Variants in PPIL4 observed in about 807,000 individuals in gnomAD.
PPIL4 encodes the protein peptidylprolyl isomerase like 4, also known as peptidyl-prolyl cis-trans isomerase-like 4.
A neutral mutation model predicts 69.1 loss-of-function variants in PPIL4; 50 were observed. The observed-to-expected ratio is 0.72, with a 90% CI of 0.58 to 0.92. The LOEUF (loss-of-function observed/expected upper bound fraction) is 0.92, where lower values mean the gene tolerates loss of function less well. PPIL4 is among the 40% of genes least tolerant of loss of function. PPIL4 has a pLI of 0.00. For missense variants in PPIL4, 480 were observed against 587.9 expected (o/e 0.82, Z 1.90); for synonymous variants, 193 against 191.6 (o/e 1.01, Z -0.06).
At chr6:149,507,667 T>A (rs7771139) in intron 12 of PPIL4, among the ~76,000 whole-genome samples, 4,102 of 152,276 alleles carry the variant, frequency 0.027, 163 homozygotes, top group African/African-American at 0.093. Flanking sequence ...ATAGAAGAGA[T>A]AAAAGATTAT....
chr6:149,543,636 T>G (rs568323052), intron 1 of PPIL4, among the ~76,000 whole-genome samples: 5 of 152,180 alleles, frequency 3.3e-5, no homozygotes, highest in Non-Finnish European at 5.9e-5. Context: ...CTTTTCCCTG[T>G]CAAGTTTTTT....
rs758421760 is a variant in PPIL4 at position 149,525,217 on chromosome 6, A to T, written c.804-8T>A. 8 of 1,445,148 alleles carry T rather than the reference A, an allele frequency of 5.5e-6. No homozygotes were observed. In the South Asian group the frequency reaches 6.2e-5, roughly 11 times the overall value. 89.5% of individuals were successfully genotyped at this position (1,445,148 alleles called of 1,614,324 possible). ...TCTCGGATAACTTCACAACTGAAAG[A>T]AAGTATTTAAAAGTGACTTAAAAAA... On this transcript the variant is annotated splice_polypyrimidine_tract_variant and splice_region_variant and intron_variant, in intron 8 of 12. Transcript: ENST00000253329.
chr6:149,541,467 T>A lies in PPIL4; in HGVS notation c.139-36A>T, dbSNP rs372090074. Reference sequence around the variant, plus strand: ...TAGGATTCTTTGTTAATTCACAGAGTTTGTTAGATAGTTCCAATAACAAAG... The same window carrying A: ...TAGGATTCTTTGTTAATTCACAGAGATTGTTAGATAGTTCCAATAACAAAG... On this transcript the variant is annotated intron_variant, in intron 2 of 12. Transcript: ENST00000253329. 26 of 1,538,068 alleles carry A rather than the reference T, an allele frequency of 1.7e-5. No individual in the cohort carries two copies. The African/African-American group carries it at 2.2e-4, about 13-fold the overall frequency.
rs199529936 is a variant in PPIL4 at position 149,505,424 on chromosome 6, T to C, written c.*29A>G. 7.3e-5 allele frequency: 117 copies of C among 1,595,866 alleles called. No individual in the cohort carries two copies. In the East Asian group the frequency reaches 2.3e-3, roughly 31 times the overall value. ...CTTAAGTTAGACAAGAGTAAATATG[T>C]TAGCCTCTCAATTCTGCCTCTTCAT... On this transcript the variant is annotated 3_prime_UTR_variant, in exon 13 of 13. Coordinates refer to ENST00000253329, the MANE Select transcript of PPIL4 (RefSeq NM_139126.4).
At chr6:149,520,811 G>A (rs1299220583) in intron 10 of PPIL4, among the ~76,000 whole-genome samples, 1 of 152,174 alleles carries the variant, frequency 6.6e-6, no homozygotes, top group South Asian at 2.1e-4. Flanking sequence ...TCAGGAGTTC[G>A]AGACCAGCCT....
chr6:149,544,452 A>G (rs1268911615), intron 1 of PPIL4, among the ~76,000 whole-genome samples: 1 of 152,216 alleles, frequency 6.6e-6, no homozygotes, highest in Non-Finnish European at 1.5e-5. Context: ...CTGGGTACTC[A>G]GGATATAGAG....
intron 12 of PPIL4, 55 bp from the exon 13 acceptor site, chr6:149,505,759 C>T: frequency 1.3e-6 from 2 of 1,532,088 alleles, no homozygotes; most frequent in South Asian, 1.2e-5. Context: ...ATTTTGTGGG[C>T]ATTTTCAATT....
chr6:149,522,737 C>T (rs1341578222), intron 9 of PPIL4, among the ~76,000 whole-genome samples: 1 of 152,068 alleles, frequency 6.6e-6, no homozygotes, highest in Non-Finnish European at 1.5e-5. Context: ...CTCAGTCTCC[C>T]GAGTAGTTGG....
intron 12 of PPIL4, among the ~76,000 whole-genome samples, chr6:149,507,873 G>C (rs1167833170): frequency 6.6e-6 from 1 of 152,170 alleles, no homozygotes; most frequent in Non-Finnish European, 1.5e-5. Context: ...ATTAGAGAAG[G>C]TTTCATGGAG....
Position 149,525,190 on chromosome 6 carries a change from A to C in PPIL4, c.823T>G (p.Trp275Gly). 6.4e-7 allele frequency: 1 copy of C among 1,565,876 alleles called. No homozygotes were observed. The highest frequency in any genetic ancestry group is 8.7e-7 in the Non-Finnish European group (1 of 1,145,514). ...TAACAGAGGGACTCTCCTGTCTTCC[A>C]GTCTCGGATAACTTCACAACTGAAA... is the stretch of plus-strand genomic sequence containing the variant. ...PIRSCEVIRD[W>G]KTGESLCYAF... is the part of the protein sequence containing the mutation. Residue 275 changes from tryptophan (W) to glycine (G), a missense_variant, in exon 9 of 13, where the codon TGG becomes GGG. Physicochemically the swap from Trp to Gly is radical, Grantham distance 184 (BLOSUM62 -2). Transcript: ENST00000253329.
chr6:149,533,244 T>G (rs1313558304), intron 7 of PPIL4, among the ~76,000 whole-genome samples: 1 of 152,238 alleles, frequency 6.6e-6, no homozygotes, highest in Non-Finnish European at 1.5e-5. Flanking sequence ...CACTTCCCAC[T>G]GTTTAAAAAG....
intron 9 of PPIL4, among the ~76,000 whole-genome samples, chr6:149,521,876 T>C (rs1460971556): frequency 1.3e-5 from 2 of 152,206 alleles, no homozygotes; most frequent in African/African-American, 2.4e-5. Flanking sequence ...GTCAGTAACT[T>C]CACAATTCTA....
intron 11 of PPIL4, among the ~76,000 whole-genome samples, chr6:149,515,084 C>T (rs946424508): frequency 1.1e-4 from 16 of 151,812 alleles, no homozygotes; most frequent in African/African-American, 3.6e-4. Flanking sequence ...GTGATCTGCC[C>T]GCCTCGGCCT....
chr6:149,514,145 A>C (rs555652860), intron 11 of PPIL4, among the ~76,000 whole-genome samples: 8 of 152,232 alleles, frequency 5.3e-5, no homozygotes, highest in Non-Finnish European at 1.2e-4. Context: ...TGAGATGGCT[A>C]AAGAGGGTTA....
chr6:149,513,340 G>A (rs1296197999), intron 11 of PPIL4, among the ~76,000 whole-genome samples: 1 of 126,612 alleles, frequency 7.9e-6, no homozygotes, highest in Non-Finnish European at 1.6e-5. Context: ...AGCCGAGGTT[G>A]CACTACTGCA....
At chr6:149,523,433 A>AT (rs1462612027) in intron 9 of PPIL4, among the ~76,000 whole-genome samples, 1 of 152,202 alleles carries the variant, frequency 6.6e-6, no homozygotes, top group Non-Finnish European at 1.5e-5. Context: ...GCTCAAGCCT[A>AT]TAATTCCAGC....
At chr6:149,521,025 A>C in intron 10 of PPIL4, 35 bp downstream of exon 10, 1 of 1,232,414 alleles carries the variant, frequency 8.1e-7, no homozygotes, top group Non-Finnish European at 1.2e-6. Flanking sequence ...AAAAAAAAAA[A>C]AAGCAGAACA....
chr6:149,505,499 C>T lies in PPIL4; in HGVS notation c.1433G>A (p.Arg478Lys). The T allele has an allele frequency of 2.5e-6, 4 of 1,613,968 alleles. No homozygotes were observed. The highest frequency in any genetic ancestry group is 2.5e-6 in the Non-Finnish European group (3 of 1,179,924). Reference sequence around the variant, plus strand: ...TTTATCTTTGGACTTCTTTGGACTTCTGCTTCGGTCTCTCTTTTTACTCCT... The same window carrying T: ...TTTATCTTTGGACTTCTTTGGACTTTTGCTTCGGTCTCTCTTTTTACTCCT... ...RERSKKRDRS[R>K]SPKKSKDKEK... is the part of the protein sequence containing the mutation. The change falls in exon 13 of 13, where the codon AGA becomes AAA. Residue 478 changes from arginine to lysine, a missense_variant. Coordinates refer to ENST00000253329, the MANE Select transcript of PPIL4 (RefSeq NM_139126.4).
At chr6:149,510,868 G>T (rs1776831833) in intron 12 of PPIL4, among the ~76,000 whole-genome samples, 1 of 150,918 alleles carries the variant, frequency 6.6e-6, no homozygotes, top group Non-Finnish European at 1.5e-5. Flanking sequence ...AAAAAAAAAA[G>T]TAGTAACAAT....
Sources: gnomAD v4.1 joint callset for allele counts (sites outside exome capture counted in the v4.1 genomes callset) on GRCh38, gnomAD v4.1.1 for gene constraint, MANE v1.5 for transcripts, NCBI Gene and HGNC (gene_info 2026-07-23, HGNC 2026-07-21) for gene names.